Variants in SYT8 observed in about 807,000 individuals in gnomAD.
SYT8 encodes the protein synaptotagmin-8.
A neutral mutation model predicts 34.9 loss-of-function variants in SYT8; 50 were observed. That is an observed-to-expected ratio of 1.43 (90% CI 1.14 to 1.81). SYT8 has a LOEUF of 1.81. SYT8 is among the 40% of genes most tolerant of loss of function. SYT8 has a pLI of 0.00. For missense variants in SYT8, 595 were observed against 529.0 expected, an observed-to-expected ratio of 1.12 and a Z score of -1.22; for synonymous variants, 255 against 234.2, an observed-to-expected ratio of 1.09 and a Z score of -0.81.
chr11:1,835,443 C>T lies in SYT8; in HGVS notation c.242C>T (p.Thr81Ile), dbSNP rs1184107947. The part of the protein sequence containing the change: ...ESVGLGSARG[T>I]TTTHLVQPDV... Reference sequence around the variant, plus strand: ...GTGGGTCTGGGCAGTGCCCGCGGCACCACCACCACCCACCTGGTGAGGAGC... The same window carrying T: ...GTGGGTCTGGGCAGTGCCCGCGGCATCACCACCACCCACCTGGTGAGGAGC... Residue 81 changes from threonine to isoleucine, a missense_variant, in exon 2 of 8, where the codon ACC becomes ATC. Physicochemically the swap from Thr to Ile is moderately conservative, Grantham distance 89. Transcript: ENST00000341958. The T allele has an allele frequency of 6.2e-7, 1 of 1,608,924 alleles. No individual in the cohort carries two copies. The highest frequency in any genetic ancestry group is 8.5e-7 in the Non-Finnish European group (1 of 1,179,336).
At chr11:1,835,247 T>A in intron 1 of SYT8, 48 bp downstream of exon 1, 3 of 1,607,066 alleles carry the variant, frequency 1.9e-6, no homozygotes, top group Non-Finnish European at 2.6e-6. Flanking sequence ...CCCAGCCAAG[T>A]GGGGGCTGCA....
chr11:1,837,240 A>T lies in SYT8; in HGVS notation c.973A>T (p.Thr325Ser). 6.3e-7 allele frequency: 1 copy of T among 1,580,402 alleles called. No homozygotes were observed. Among genetic ancestry groups the T allele is most frequent in the Non-Finnish European group, 8.6e-7 (1 of 1,165,828 alleles). ...CTGGGACCGCAGCCTGCCGCTCCGA[A>T]CTGAGCCCGTAGGCAAGGTGCACCT... The part of the protein sequence containing the change: ...AVWDRSLPLR[T>S]EPVGKVHLGA... The change falls in exon 8 of 8, where the codon ACT (threonine) becomes TCT (serine). Residue 325 changes from threonine (T) to serine (S), a missense_variant. Thr to Ser is a moderately conservative substitution (Grantham distance 58). Coordinates refer to ENST00000341958, the MANE Select transcript of SYT8 (RefSeq NM_001394072.1).
Position 1,836,837 on chromosome 11 carries a change from C to G in SYT8, c.766C>G (p.Arg256Gly). The G allele has an allele frequency of 2.5e-6, 4 of 1,611,648 alleles. No homozygotes were observed. The highest frequency in any genetic ancestry group is 3.4e-6 in the Non-Finnish European group (4 of 1,179,964). Reference sequence around the variant, plus strand: ...GCTGACCGTGGTGGTGCTGGAGGCTCGAGGCCTGCGTCCAGGACTTGCAGG... The same window carrying G: ...GCTGACCGTGGTGGTGCTGGAGGCTGGAGGCCTGCGTCCAGGACTTGCAGG... ...GRLTVVVLEARGLRPGLAEPY... is the reference protein window; with the variant it reads ...GRLTVVVLEAGGLRPGLAEPY... Residue 256 changes from arginine (R) to glycine (G), a missense_variant, in exon 6 of 8, where the codon CGA becomes GGA. Transcript: ENST00000341958.
At chr11:1,832,674 C>A (rs932650238), upstream of SYT8, among the ~76,000 whole-genome samples, 5 of 152,126 alleles carry the variant, frequency 3.3e-5, no homozygotes, top group African/African-American at 1.2e-4. Context: ...CCCGGCGGTC[C>A]GGAGGGACCC....
rs959017039 is a variant in SYT8 at position 1,835,068 on chromosome 11, C to T, written c.-38C>T. On this transcript the variant is annotated 5_prime_UTR_variant, in exon 1 of 8. Coordinates refer to ENST00000341958, the MANE Select transcript of SYT8 (RefSeq NM_001394072.1). ...GGGCCACCCTCCCAGCTGACCCAGC[C>T]TCCTGGGCCGCTTCTTCCAAACCAG... 1.2e-6 allele frequency: 2 copies of T among 1,608,272 alleles called. No individual in the cohort carries two copies. The highest frequency in any genetic ancestry group is 2.2e-5 in the East Asian group (1 of 44,854).
chr11:1,834,274 C>T (rs1439182680), upstream of SYT8: 3 of 519,140 alleles, frequency 5.8e-6, no homozygotes, highest in South Asian at 6.4e-5. This position sits in a 1 kb window ranked among gnomAD's most constrained non-coding sequence, Gnocchi z 4.5. Flanking sequence ...AGCAGCTGCG[C>T]CCGCCCCACC....
At chr11:1,836,925 G>A (rs1384399061) in intron 6 of SYT8, 32 bp from the exon 7 acceptor site, 1 of 1,612,890 alleles carries the variant, frequency 6.2e-7, no homozygotes, top group Non-Finnish European at 8.5e-7. Context: ...CCCGAGCCCT[G>A]GGATGCCCCT....
Position 1,837,051 on chromosome 11 carries a change from T to A in SYT8, c.885T>A (p.Asn295Lys), listed in dbSNP as rs542714438. The A allele has an allele frequency of 1.9e-6, 3 of 1,613,772 alleles. No homozygotes were observed. In the East Asian group the frequency reaches 6.7e-5, roughly 36 times the overall value. Residue 295 changes from asparagine to lysine, a missense_variant, in exon 7 of 8, where the codon AAT (asparagine) becomes AAA (lysine). Asn to Lys is a moderately conservative substitution (Grantham distance 94, BLOSUM62 0). Transcript: ENST00000341958. ...TKKGTAAPYFNEAFTFLVPFS... is the reference protein window; with the variant it reads ...TKKGTAAPYFKEAFTFLVPFS... ...AGGGCACGGCGGCCCCCTACTTCAA[T>A]GAGGCCTTCACCTTCCTGGTGCCCT...
chr11:1,836,580 G>A lies in SYT8; in HGVS notation c.672G>A (p.Pro224=), dbSNP rs756738543. The change falls in exon 5 of 8, where the codon CCG becomes CCA. Residue 224 remains proline (P), a synonymous_variant. Transcript: ENST00000341958. ...VLEHWYLLGP[P]AATQPEQVGE... ...AGCACTGGTACCTGCTGGGCCCGCC[G>A]GCTGCCACTCAGGTGAGGTGCTGGT... 18 of 1,611,058 alleles carry A rather than the reference G, an allele frequency of 1.1e-5. No individual in the cohort carries two copies. Among genetic ancestry groups the A allele is most frequent in the Non-Finnish European group, 1.4e-5 (16 of 1,179,244 alleles).
upstream of SYT8, chr11:1,834,739 G>A (rs1329165396): frequency 6.3e-6 from 6 of 952,252 alleles, no homozygotes; most frequent in Non-Finnish European, 9.7e-6. This position sits in a 1 kb window ranked among gnomAD's most constrained non-coding sequence, Gnocchi z 4.5. Context: ...CAGGGAGGGA[G>A]AGAGCTTCCT....
chr11:1,831,925 C>G (rs942458255), upstream of SYT8: 1 of 363,412 alleles, frequency 2.8e-6, no homozygotes, highest in Non-Finnish European at 5.6e-6. Flanking sequence ...GGGGGGCTGC[C>G]AGCCCCAGCA....
chr11:1,833,373 G>A (rs1432426367), upstream of SYT8, among the ~76,000 whole-genome samples: 3 of 152,258 alleles, frequency 2.0e-5, no homozygotes, highest in Non-Finnish European at 4.4e-5. Context: ...GAATGAAAAT[G>A]TGCAGCATCT....
rs759602468 is a variant in SYT8 at position 1,835,919 on chromosome 11, C to T, written c.292C>T (p.Pro98Ser). The T allele has an allele frequency of 9.3e-6, 15 of 1,608,634 alleles. No homozygotes were observed. The highest frequency in any genetic ancestry group is 1.2e-5 in the Non-Finnish European group (14 of 1,178,554). ...TGATGTGGATGGCCTGGAGTCCAGC[C>T]CGGGGGATGCTCAGCAATGGGGGTG... The part of the protein sequence containing the change: ...QPDVDGLESS[P>S]GDAQQWGCLQ... The change falls in exon 3 of 8, where the codon CCG (proline) becomes TCG (serine). Residue 98 changes from proline (P) to serine (S), a missense_variant. Physicochemically the swap from Pro to Ser is moderately conservative, Grantham distance 74 (BLOSUM62 -1). Coordinates refer to ENST00000341958, the MANE Select transcript of SYT8 (RefSeq NM_001394072.1).
chr11:1,834,185 C>T (rs1181529296), upstream of SYT8: 4 of 333,914 alleles, frequency 1.2e-5, no homozygotes, highest in East Asian at 3.5e-4. The surrounding 1 kb of genome is among the most constrained non-coding windows in gnomAD (Gnocchi z 4.5). Flanking sequence ...CACCCTGGTT[C>T]CCCTGCCTGT....
Position 1,836,801 on chromosome 11 carries a change from A to G in SYT8, c.730A>G (p.Ser244Gly). 6.2e-7 allele frequency: 1 copy of G among 1,611,166 alleles called. No individual in the cohort carries two copies. Among genetic ancestry groups the G allele is most frequent in the South Asian group, 1.1e-5 (1 of 91,082 alleles). Residue 244 changes from serine to glycine, a missense_variant, in exon 6 of 8, where the codon AGC (serine) becomes GGC (glycine). Transcript: ENST00000341958. Reference protein sequence around the residue: ...ELCFSLRYVPSSGRLTVVVLE... With the variant: ...ELCFSLRYVPGSGRLTVVVLE... The stretch of plus-strand genomic sequence containing the variant: ...GTGCTTCTCTCTCCGGTACGTGCCC[A>G]GCTCAGGCCGGCTGACCGTGGTGGT...
chr11:1,834,294 A>C, upstream of SYT8: 1 of 534,376 alleles, frequency 1.9e-6, no homozygotes, highest in Non-Finnish European at 3.3e-6. This position sits in a 1 kb window ranked among gnomAD's most constrained non-coding sequence, Gnocchi z 4.5. Context: ...CTTCCTTCCC[A>C]CCCACATGCC....
At chr11:1,834,390 CCCTGCCCCTA>C (rs1417133721), upstream of SYT8, 5 of 653,310 alleles carry the variant, frequency 7.7e-6, no homozygotes, top group Non-Finnish European at 1.4e-5. The surrounding 1 kb of genome is among the most constrained non-coding windows in gnomAD (Gnocchi z 4.5). Flanking sequence ...CCCAGCTGCA[CCCTGCCCCTA>C]CCTGCCACCA....
chr11:1,832,733 C>CA (rs1445228939), upstream of SYT8, among the ~76,000 whole-genome samples: 1 of 152,126 alleles, frequency 6.6e-6, no homozygotes, highest in Non-Finnish European at 1.5e-5. Context: ...CCAGCGCCCC[C>CA]AGGGTCCTGG....
chr11:1,835,180 C>T lies in SYT8; in HGVS notation c.75C>T (p.Asp25=). 1 of 1,613,366 alleles carries T rather than the reference C, an allele frequency of 6.2e-7. No homozygotes were observed. The highest frequency in any genetic ancestry group is 1.1e-5 in the South Asian group (1 of 91,080). ...CAGCTATACCTGGGCTTATTCCAGA[C>T]CTTGTCGCCGGGACCCCCTGTGAGT... The part of the protein sequence containing the change: ...GTTAIPGLIP[D]LVAGTPWPRW... Residue 25 remains aspartate, a synonymous_variant, in exon 1 of 8, where the codon GAC becomes GAT. Coordinates refer to ENST00000341958, the MANE Select transcript of SYT8 (RefSeq NM_001394072.1).
Sources: gnomAD v4.1 joint callset for allele counts (sites outside exome capture counted in the v4.1 genomes callset) on GRCh38, gnomAD v4.1.1 for gene constraint, Gnocchi (gnomAD v3.1) non-coding constraint, MANE v1.5 for transcripts, NCBI Gene and HGNC (gene_info 2026-07-23, HGNC 2026-07-21) for gene names.